Variants in NEURL1B observed in about 807,000 individuals in gnomAD.
NEURL1B encodes neuralized E3 ubiquitin protein ligase 1B.
NEURL1B carries 13 observed loss-of-function variants against 37.4 expected under a neutral mutation model. The ratio of observed to expected loss-of-function variants is 0.35; its 90% CI spans 0.23 to 0.55. The LOEUF is 0.55. NEURL1B is among the 20% of genes least tolerant of loss of function. The probability of loss-of-function intolerance (pLI) is 0.89; values close to 1 mark genes in which losing one functional copy is unlikely to be tolerated. For missense variants in NEURL1B, 790 were observed against 879.2 expected (o/e 0.90, Z 1.28); for synonymous variants, 432 against 426.6 (o/e 1.01, Z -0.16).
chr5:172,662,542 T>C (rs533512622), intron 1 of NEURL1B, among the ~76,000 whole-genome samples: 187 of 152,312 alleles, frequency 1.2e-3, no homozygotes, highest in African/African-American at 4.3e-3. Flanking sequence ...ATGCTCTCAT[T>C]GCCCCTGCCA....
At chr5:172,651,098 T>C (rs1334261348) in intron 1 of NEURL1B, among the ~76,000 whole-genome samples, 1 of 152,244 alleles carries the variant, frequency 6.6e-6, no homozygotes, top group African/African-American at 2.4e-5. Context: ...AGGCAAAGCA[T>C]TGAACATACT....
rs1002919399 is a variant in NEURL1B, at chr5:172,686,198, C to T, written c.1325C>T (p.Thr442Met). The part of the protein sequence containing the change: ...LGTLQSSPAT[T>M]TPSGSLSGSQ... ...ACCCTGCAGTCCAGCCCTGCGACCACGACTCCATCAGGGTCCCTCAGCGGC... is the reference window on the plus strand; with the variant it reads ...ACCCTGCAGTCCAGCCCTGCGACCATGACTCCATCAGGGTCCCTCAGCGGC... The change falls in exon 4 of 5, where the codon ACG becomes ATG. Residue 442 changes from threonine to methionine, a missense_variant. Thr to Met is a moderately conservative substitution (Grantham distance 81). Coordinates refer to ENST00000369800, the MANE Select transcript of NEURL1B (RefSeq NM_001142651.3). This position sits in a 1 kb window ranked among gnomAD's most constrained non-coding sequence, Gnocchi z 7.9. The T allele has an allele frequency of 2.9e-5, 45 of 1,551,670 alleles. No homozygotes were observed. Among genetic ancestry groups the T allele is most frequent in the Admixed American group, 3.9e-5 (2 of 51,014 alleles).
intron 1 of NEURL1B, among the ~76,000 whole-genome samples, chr5:172,646,882 A>C (rs1377280111): frequency 6.9e-6 from 1 of 145,216 alleles, no homozygotes; most frequent in African/African-American, 2.6e-5. Context: ...GGGGCTGTGG[A>C]GTTCTGAGGA....
At chr5:172,672,788 G>C (rs1758156116) in intron 2 of NEURL1B, among the ~76,000 whole-genome samples, 2 of 151,988 alleles carry the variant, frequency 1.3e-5, no homozygotes, top group African/African-American at 4.8e-5. Context: ...ATGATCTGCA[G>C]GAAACACAAA....
Position 172,656,084 on chromosome 5 carries a change from G to A in NEURL1B, c.32-13701G>A, listed in dbSNP as rs113120574. On this transcript the variant is annotated intron_variant, in intron 1 of 4. Transcript: ENST00000369800. Reference sequence around the variant, plus strand: ...CGCATGTGGCCCCTGCTGCTGTGTCGTTCCCCTATTGGCTAGGATTAGACT... The same window carrying A: ...CGCATGTGGCCCCTGCTGCTGTGTCATTCCCCTATTGGCTAGGATTAGACT... Among the ~76,000 whole-genome samples the A allele has an allele frequency of 5.2e-3, 794 of 152,270 alleles. 5 individuals are homozygous for A. Among genetic ancestry groups the A allele is most frequent in the African/African-American group, 0.018 (755 of 41,538 alleles).
chr5:172,669,962 C>T lies in NEURL1B; in HGVS notation c.209C>T (p.Thr70Met). ...TRRNSFCNGVTFTQRPIRLYE... is the reference protein window; with the variant it reads ...TRRNSFCNGVMFTQRPIRLYE... ...CGCAACAGCTTCTGCAATGGCGTCA[C>T]GTTCACGCAGCGGCCCATCCGGCTG... Residue 70 changes from threonine to methionine, a missense_variant, in exon 2 of 5, where the codon ACG becomes ATG. Physicochemically the swap from Thr to Met is moderately conservative, Grantham distance 81. Around this residue, in one of 3 missense-constraint regions of NEURL1B, gnomAD observed 215 missense variants for 309.2 expected, o/e 0.70. Coordinates refer to ENST00000369800, the MANE Select transcript of NEURL1B (RefSeq NM_001142651.3). The T allele has an allele frequency of 6.9e-7, 1 of 1,455,676 alleles. No homozygotes were observed. 90.2% of individuals were successfully genotyped at this position (1,455,676 alleles called of 1,614,324 possible). A position where few individuals can be genotyped will look rare whatever the true frequency, so the allele number is the denominator to read the frequency against.
intron 2 of NEURL1B, among the ~76,000 whole-genome samples, chr5:172,674,827 C>T (rs1164476018): frequency 2.0e-5 from 3 of 152,270 alleles, no homozygotes; most frequent in Middle Eastern, 6.8e-3. Context: ...ATCCCCACTC[C>T]TTTTCATGTC....
chr5:172,690,191 C>T lies in NEURL1B; in HGVS notation c.*3266C>T, dbSNP rs917525255. On this transcript the variant is annotated 3_prime_UTR_variant, in exon 5 of 5. Coordinates refer to ENST00000369800, the MANE Select transcript of NEURL1B (RefSeq NM_001142651.3). The stretch of plus-strand genomic sequence containing the variant: ...GTTCATGGTCTTGTGCCCATTCATT[C>T]GGAGACTCCTGAAAAACTGGGCTGT... 2.0e-5 allele frequency: 3 copies of T among 152,284 alleles called. No homozygotes were observed. The highest frequency in any genetic ancestry group is 2.9e-5 in the Non-Finnish European group (2 of 68,072). The allele number at this position is 152,284 out of a possible 1,614,324, so 9.4% of individuals were successfully genotyped here.
chr5:172,684,490 AAAT>A (rs1758444541), intron 3 of NEURL1B, among the ~76,000 whole-genome samples: 2 of 152,214 alleles, frequency 1.3e-5, no homozygotes, highest in African/African-American at 4.8e-5. Context: ...TCCCCTCGGT[AAAT>A]GGTCGGTGCG....
chr5:172,646,793 G>A (rs1757569949), intron 1 of NEURL1B, among the ~76,000 whole-genome samples: 1 of 152,088 alleles, frequency 6.6e-6, no homozygotes, highest in African/African-American at 2.4e-5. Context: ...AGAGACATCA[G>A]CTAGGAGAAG....
intron 2 of NEURL1B, among the ~76,000 whole-genome samples, chr5:172,673,472 C>G (rs1758169770): frequency 6.6e-6 from 1 of 152,156 alleles, no homozygotes; most frequent in Admixed American, 6.5e-5. Context: ...TCCTCCCTCA[C>G]CACAATCAGG....
intron 2 of NEURL1B, among the ~76,000 whole-genome samples, chr5:172,674,825 T>G (rs1369596028): frequency 6.6e-6 from 1 of 152,064 alleles, no homozygotes; most frequent in Non-Finnish European, 1.5e-5. Flanking sequence ...CAATCCCCAC[T>G]CCTTTTCATG....
rs1330454299 is a variant in NEURL1B at position 172,683,314 on chromosome 5, C to T, written c.578-105C>T. 2.5e-6 allele frequency: 3 copies of T among 1,222,512 alleles called. No individual in the cohort carries two copies. In the South Asian group the frequency reaches 9.5e-5, roughly 39 times the overall value. The allele number at this position is 1,222,512 out of a possible 1,614,324, so 75.7% of individuals were successfully genotyped here. A position where few individuals can be genotyped will look rare whatever the true frequency, so the allele number is the denominator to read the frequency against. On this transcript the variant is annotated intron_variant, in intron 2 of 4. Transcript: ENST00000369800. This position sits in a 1 kb window ranked among gnomAD's most constrained non-coding sequence, Gnocchi z 5.6. ...GGTGGGGTGGGGGCTGCTCGAGGCC[C>T]GGGTCGGTCGTGGAGGCCTGCAGGA...
Position 172,683,888 on chromosome 5 carries a change from G to A in NEURL1B, c.1047G>A (p.Val349=). ...AFGITSCDPG[V]LRPNELPADP... Reference sequence around the variant, plus strand: ...GCATCACGTCGTGCGACCCGGGCGTGCTACGGCCCAACGAGCTGCCCGCCG... The same window carrying A: ...GCATCACGTCGTGCGACCCGGGCGTACTACGGCCCAACGAGCTGCCCGCCG... The change falls in exon 3 of 5, where the codon GTG becomes GTA. Residue 349 remains valine (V), a synonymous_variant. Transcript: ENST00000369800. This position sits in a 1 kb window ranked among gnomAD's most constrained non-coding sequence, Gnocchi z 5.6. The A allele has an allele frequency of 7.1e-6, 10 of 1,412,792 alleles. No homozygotes were observed. The highest frequency in any genetic ancestry group is 8.3e-6 in the Non-Finnish European group (9 of 1,078,516). 87.5% of individuals were successfully genotyped at this position (1,412,792 alleles called of 1,614,324 possible). A position where few individuals can be genotyped will look rare whatever the true frequency, so the allele number is the denominator to read the frequency against.
At chr5:172,642,019 A>G (rs772373088) in intron 1 of NEURL1B, among the ~76,000 whole-genome samples, 4 of 152,238 alleles carry the variant, frequency 2.6e-5, no homozygotes, top group Non-Finnish European at 5.9e-5. Context: ...TCGCTGCTGC[A>G]GATCGCATCG....
At chr5:172,662,896 C>T (rs1321828554) in intron 1 of NEURL1B, among the ~76,000 whole-genome samples, 1 of 152,084 alleles carries the variant, frequency 6.6e-6, no homozygotes, top group Non-Finnish European at 1.5e-5. Flanking sequence ...AGACACTGCC[C>T]TCTAGTCTTG....
chr5:172,656,021 T>C (rs990042730), intron 1 of NEURL1B, among the ~76,000 whole-genome samples: 1 of 152,204 alleles, frequency 6.6e-6, no homozygotes, highest in Non-Finnish European at 1.5e-5. Flanking sequence ...CAATGATGAG[T>C]GCACACTTGG....
At chr5:172,643,647 T>C (rs1298856999) in intron 1 of NEURL1B, among the ~76,000 whole-genome samples, 1 of 152,196 alleles carries the variant, frequency 6.6e-6, no homozygotes, top group Non-Finnish European at 1.5e-5. Context: ...GACTGGTGCC[T>C]GGCAAGGGCT....
At chr5:172,645,987 G>A (rs1482342899) in intron 1 of NEURL1B, among the ~76,000 whole-genome samples, 1 of 152,222 alleles carries the variant, frequency 6.6e-6, no homozygotes, top group Non-Finnish European at 1.5e-5. Context: ...GTGCATTTAT[G>A]TAGTAAGAGT....
Sources: gnomAD v4.1 joint callset for allele counts (sites outside exome capture counted in the v4.1 genomes callset) on GRCh38, gnomAD v4.1.1 for gene constraint, gnomAD v4.1.1 regional missense constraint, Gnocchi (gnomAD v3.1) non-coding constraint, MANE v1.5 for transcripts, NCBI Gene and HGNC (gene_info 2026-07-23, HGNC 2026-07-21) for gene names.